Variants in NEK11 observed in about 807,000 individuals in gnomAD.
The protein encoded by NEK11 is serine/threonine-protein kinase Nek11.
A neutral mutation model predicts 80.7 loss-of-function variants in NEK11; 72 were observed. The ratio of observed to expected loss-of-function variants is 0.89; its 90% CI spans 0.74 to 1.08. The LOEUF is 1.08. Ranked by LOEUF, NEK11 falls within the 50% of genes least tolerant of loss-of-function variation. NEK11 has a pLI of 0.00. For synonymous variants in NEK11, 251 were observed against 260.7 expected (o/e 0.96, Z 0.36); for missense variants, 764 against 763.6 (o/e 1.00, Z -0.01).
chr3:131,105,339 G>T (rs1578327804), intron 4 of NEK11, among the ~76,000 whole-genome samples: 1 of 152,144 alleles, frequency 6.6e-6, no homozygotes, highest in African/African-American at 2.4e-5. Flanking sequence ...TAGTGTTTTT[G>T]ATATTAATGC....
intron 15 of NEK11, among the ~76,000 whole-genome samples, chr3:131,236,367 CTGCTT>C (rs1448746334): frequency 6.6e-6 from 1 of 150,908 alleles, no homozygotes; most frequent in Non-Finnish European, 1.5e-5. Context: ...TCTATCAGCC[CTGCTT>C]TTTTTTCGTC....
intron 3 of NEK11, among the ~76,000 whole-genome samples, chr3:131,043,112 A>G (rs2109740073): frequency 6.6e-6 from 1 of 152,336 alleles, no homozygotes; most frequent in East Asian, 1.9e-4. Context: ...TCCAAAGGTC[A>G]CCAACAGCAA....
chr3:131,297,606 T>G (rs1348109269), intron 17 of NEK11, among the ~76,000 whole-genome samples: 2 of 152,224 alleles, frequency 1.3e-5, no homozygotes, highest in African/African-American at 4.8e-5. Flanking sequence ...TCTCCTATTT[T>G]GTAGGTTTCC....
intron 5 of NEK11, among the ~76,000 whole-genome samples, chr3:131,124,715 G>T (rs948060010): frequency 2.0e-5 from 3 of 152,170 alleles, no homozygotes; most frequent in Admixed American, 6.5e-5. Flanking sequence ...TTTTAAATCA[G>T]TTAAGAAGTC....
chr3:131,115,664 G>A lies in NEK11; in HGVS notation c.455+5743G>A, dbSNP rs560830814. 4.6e-5 allele frequency among the ~76,000 whole-genome samples: 7 copies of A among 152,262 alleles called. 1 individual carries two copies. Among genetic ancestry groups the A allele is most frequent in the South Asian group, 2.1e-4 (1 of 4,820 alleles). Reference sequence around the variant, plus strand: ...ACTGAAACCCATTACTGTTCTGGGCGGGGAGTTCAGTTATGTCAATTTCTT... The same window carrying A: ...ACTGAAACCCATTACTGTTCTGGGCAGGGAGTTCAGTTATGTCAATTTCTT... On this transcript the variant is annotated intron_variant, in intron 5 of 17. Coordinates refer to ENST00000383366, the MANE Select transcript of NEK11 (RefSeq NM_024800.5).
Position 131,312,577 on chromosome 3 carries a change from C to T in NEK11, c.1719-36980C>T, listed in dbSNP as rs1204284635. Among the ~76,000 whole-genome samples, 4 of 152,088 alleles carry T rather than the reference C, an allele frequency of 2.6e-5. No individual in the cohort carries two copies. In the East Asian group the frequency reaches 7.7e-4, roughly 29 times the overall value. ...CTTCCTCTGAGGAATCTATTCATAG[C>T]CTGAATCTGTTTCTTTAGAAGACAC... On this transcript the variant is annotated intron_variant, in intron 17 of 17. Transcript: ENST00000383366.
chr3:131,145,406 TC>T (rs2087954363), intron 7 of NEK11, among the ~76,000 whole-genome samples: 1 of 152,150 alleles, frequency 6.6e-6, no homozygotes, highest in Admixed American at 6.5e-5. Flanking sequence ...CACTAAGCCC[TC>T]TTTCCTTCCA....
intron 5 of NEK11, among the ~76,000 whole-genome samples, chr3:131,130,412 C>G (rs1442610635): frequency 6.6e-6 from 1 of 152,076 alleles, no homozygotes; most frequent in Non-Finnish European, 1.5e-5. Context: ...TTTCCCATCT[C>G]TATTCCTTTT....
rs540119176 is a variant in NEK11 at position 131,253,775 on chromosome 3, A to G, written c.1621+10279A>G. Among the ~76,000 whole-genome samples the G allele has an allele frequency of 4.6e-5, 7 of 152,288 alleles. No homozygotes were observed. In the East Asian group the frequency reaches 1.2e-3, roughly 25 times the overall value. The stretch of plus-strand genomic sequence containing the variant: ...ATGTACAATATCCCTGCTACAAAGT[A>G]TATTAACTTCAATGAAACCATAATG... On this transcript the variant is annotated intron_variant, in intron 16 of 17. Transcript: ENST00000383366.
chr3:131,334,275 C>T (rs1434022388), intron 17 of NEK11, among the ~76,000 whole-genome samples: 2 of 152,166 alleles, frequency 1.3e-5, no homozygotes, highest in Non-Finnish European at 2.9e-5. Context: ...GTCTCTCAGA[C>T]CACAGTGCAA....
intron 14 of NEK11, among the ~76,000 whole-genome samples, chr3:131,188,054 G>A (rs2150244417): frequency 6.6e-6 from 1 of 152,218 alleles, no homozygotes; most frequent in East Asian, 1.9e-4. Flanking sequence ...GGGTACACAG[G>A]CAGATAGAGG....
chr3:131,099,359 TG>T (rs2077998225), intron 4 of NEK11, among the ~76,000 whole-genome samples: 1 of 152,252 alleles, frequency 6.6e-6, no homozygotes, highest in Non-Finnish European at 1.5e-5. Flanking sequence ...TCATGCTTTT[TG>T]TTTACGATAG....
In NEK11 at chr3:131,115,944, T is replaced by TTCTTTCTTTCTTTC. The variant is rs2081047882; in HGVS notation, c.455+6025_455+6038dup. 3.8e-4 allele frequency among the ~76,000 whole-genome samples: 46 copies of TTCTTTCTTTCTTTC among 121,644 alleles called. 1 individual carries two copies. Among genetic ancestry groups the TTCTTTCTTTCTTTC allele is most frequent in the Admixed American group, 8.2e-4 (10 of 12,186 alleles). The allele number at this position is 121,644 out of a possible 152,430, so 79.8% of individuals were successfully genotyped here. A position where few individuals can be genotyped will look rare whatever the true frequency, so the allele number is the denominator to read the frequency against. On this transcript the variant is annotated intron_variant, in intron 5 of 17. Transcript: ENST00000383366. ...TTTCTTTCTTTCTTTCTTTCTTTCT[T>TTCTTTCTTTCTTTC]TCTTTCTTTCTTTCTTTCTTTCTTT...
chr3:131,140,989 C>A (rs1457020930), intron 7 of NEK11, among the ~76,000 whole-genome samples: 1 of 152,160 alleles, frequency 6.6e-6, no homozygotes, highest in East Asian at 1.9e-4. Flanking sequence ...CAATTATCCA[C>A]ATTTCTTCTC....
chr3:131,155,238 T>C, intron 10 of NEK11, 117 bp downstream of exon 10: 1 of 673,542 alleles, frequency 1.5e-6, no homozygotes, highest in Non-Finnish European at 2.5e-6. Context: ...TTCACTTAAG[T>C]CTTGCCAAGA....
rs560705537 is a variant in NEK11 at position 131,127,769 on chromosome 3, A to C, written c.456-4976A>C. Among the ~76,000 whole-genome samples the C allele has an allele frequency of 2.0e-5, 3 of 152,328 alleles. 1 individual carries two copies. The South Asian group carries it at 6.2e-4, about 32-fold the overall frequency. Reference sequence around the variant, plus strand: ...ATGATATTACTTTTCTCTGCCTGACAGTTATATTTAGGGCAGATCACCTTG... The same window carrying C: ...ATGATATTACTTTTCTCTGCCTGACCGTTATATTTAGGGCAGATCACCTTG... On this transcript the variant is annotated intron_variant, in intron 5 of 17. Transcript: ENST00000383366.
intron 4 of NEK11, among the ~76,000 whole-genome samples, chr3:131,084,762 C>T (rs2075754941): frequency 6.6e-6 from 1 of 152,150 alleles, no homozygotes; most frequent in African/African-American, 2.4e-5. Context: ...CTTAGAATCA[C>T]CTGAAGAGCT....
intron 14 of NEK11, among the ~76,000 whole-genome samples, chr3:131,217,874 C>T (rs550650638): frequency 6.6e-6 from 1 of 152,270 alleles, no homozygotes; most frequent in South Asian, 2.1e-4. Context: ...GAGCATCTAC[C>T]ATGTTCTGGA....
chr3:131,278,324 C>T (rs1216845624), intron 17 of NEK11, among the ~76,000 whole-genome samples: 2 of 152,152 alleles, frequency 1.3e-5, no homozygotes, highest in Admixed American at 6.5e-5. Flanking sequence ...GGCAAAATGA[C>T]AAGAAGTCAG....
Sources: allele counts gnomAD v4.1 joint callset (sites outside exome capture counted in the v4.1 genomes callset), GRCh38; gene constraint gnomAD v4.1.1; transcripts MANE v1.5; gene names NCBI Gene and HGNC (gene_info 2026-07-23, HGNC 2026-07-21).